PTPRM: variants seen among roughly 807,000 people sequenced by gnomAD.
The protein encoded by PTPRM is receptor-type tyrosine-protein phosphatase mu.
Under a neutral mutation model 186.7 loss-of-function variants are expected in PTPRM, and 47 were observed. The observed-to-expected ratio is 0.25, with a 90% CI of 0.20 to 0.32. The LOEUF (loss-of-function observed/expected upper bound fraction) is 0.32, where lower values mean the gene tolerates loss of function less well. Ranked by LOEUF, PTPRM falls within the 10% of genes least tolerant of loss-of-function variation. The pLI is 1.00. For synonymous variants in PTPRM, 668 were observed against 674.9 expected, an observed-to-expected ratio of 0.99 and a Z score of 0.16; for missense variants, 1,494 against 1,865.0, an observed-to-expected ratio of 0.80 and a Z score of 3.66.
At chr18:8,225,322 T>C (rs960896063) in intron 14 of PTPRM, among the ~76,000 whole-genome samples, 1 of 152,160 alleles carries the variant, frequency 6.6e-6, no homozygotes, top group African/African-American at 2.4e-5. Context: ...TATTTTAGAG[T>C]AATTACTGTT....
intron 14 of PTPRM, among the ~76,000 whole-genome samples, chr18:8,200,321 G>A (rs561494115): frequency 6.6e-6 from 1 of 152,252 alleles, no homozygotes; most frequent in South Asian, 2.1e-4. Flanking sequence ...AGGGAGCTGG[G>A]ATGTGACTCA....
At chr18:7,986,271 G>C (rs942538444) in intron 7 of PTPRM, among the ~76,000 whole-genome samples, 2 of 152,186 alleles carry the variant, frequency 1.3e-5, no homozygotes, top group Non-Finnish European at 2.9e-5. Flanking sequence ...GCCTTTTACA[G>C]GGTTTTGAAA....
intron 1 of PTPRM, among the ~76,000 whole-genome samples, chr18:7,675,465 T>G (rs907274064): frequency 1.3e-5 from 2 of 151,946 alleles, no homozygotes; most frequent in African/African-American, 4.8e-5. Flanking sequence ...GCCCATGTAT[T>G]TAGATGGAAA....
intron 14 of PTPRM, among the ~76,000 whole-genome samples, chr18:8,213,593 TGA>T (rs929613142): frequency 1.3e-5 from 2 of 152,134 alleles, no homozygotes; most frequent in Non-Finnish European, 2.9e-5. Context: ...GTTGGTGGAA[TGA>T]GAGCCAGGAT....
intron 7 of PTPRM, among the ~76,000 whole-genome samples, chr18:8,028,972 C>A (rs11081357): frequency 6.6e-6 from 1 of 152,174 alleles, no homozygotes; most frequent in Non-Finnish European, 1.5e-5. Context: ...CACTGAATCC[C>A]TCAGGAAATG....
intron 9 of PTPRM, 97 bp from the exon 10 acceptor site, chr18:8,085,574 T>C: frequency 9.7e-7 from 1 of 1,029,688 alleles, no homozygotes; most frequent in Non-Finnish European, 1.5e-6. Flanking sequence ...TATCATAAAG[T>C]GTCTGACAGT....
rs552252866 is a variant in PTPRM, at chr18:7,667,223, A to G, written c.73+99332A>G. 9.8e-5 allele frequency among the ~76,000 whole-genome samples: 15 copies of G among 152,346 alleles called. No homozygotes were observed. The South Asian group carries it at 2.9e-3, about 29-fold the overall frequency. On this transcript the variant is annotated intron_variant, in intron 1 of 32. Transcript: ENST00000580170. ...TAGATTACCATTTTATGATGATATCATGTAACAGAATATGAAGCAGCAGGA... is the reference window on the plus strand; with the variant it reads ...TAGATTACCATTTTATGATGATATCGTGTAACAGAATATGAAGCAGCAGGA...
intron 13 of PTPRM, among the ~76,000 whole-genome samples, chr18:8,118,881 G>T (rs1245229046): frequency 1.4e-5 from 2 of 148,056 alleles, no homozygotes; most frequent in African/African-American, 2.5e-5. Flanking sequence ...GCTGTTGTTA[G>T]TGTATTTTAC....
intron 1 of PTPRM, among the ~76,000 whole-genome samples, chr18:7,608,598 A>G (rs1260985868): frequency 6.6e-6 from 1 of 152,008 alleles, no homozygotes; most frequent in Non-Finnish European, 1.5e-5. Flanking sequence ...GTGTGGGGAT[A>G]TCTGTGGAGT....
chr18:7,604,337 C>A (rs1318961930), intron 1 of PTPRM, among the ~76,000 whole-genome samples: 1 of 152,154 alleles, frequency 6.6e-6, no homozygotes, highest in Non-Finnish European at 1.5e-5. Context: ...AGGTTCGTGA[C>A]CAGTTTGGAC....
intron 3 of PTPRM, among the ~76,000 whole-genome samples, chr18:7,901,427 C>T (rs1450006805): frequency 6.6e-6 from 1 of 151,874 alleles, no homozygotes; most frequent in Non-Finnish European, 1.5e-5. Flanking sequence ...AGTGCAGTGG[C>T]ACAATCTTGG....
chr18:8,369,664 A>T (rs2095652386), intron 23 of PTPRM, among the ~76,000 whole-genome samples: 1 of 152,248 alleles, frequency 6.6e-6, no homozygotes, highest in Non-Finnish European at 1.5e-5. Flanking sequence ...GTTAGAAATC[A>T]AATTCAGAAG....
At chr18:8,239,172 A>T (rs1384460326) in intron 14 of PTPRM, among the ~76,000 whole-genome samples, 2 of 110,368 alleles carry the variant, frequency 1.8e-5, no homozygotes, top group Admixed American at 1.3e-4. Flanking sequence ...GAGTCCCCAG[A>T]GTGTGATGTT....
At chr18:8,312,942 G>A (rs73396058) in intron 20 of PTPRM, among the ~76,000 whole-genome samples, 2,846 of 152,262 alleles carry the variant, frequency 0.019, 108 homozygotes, top group African/African-American at 0.065. Context: ...AATTGACACC[G>A]ATTTCCTTCT....
intron 1 of PTPRM, among the ~76,000 whole-genome samples, chr18:7,723,836 C>T (rs79420645): frequency 0.02 from 3,011 of 152,276 alleles, 88 homozygotes; most frequent in East Asian, 0.11. Flanking sequence ...GTTACCTCCT[C>T]GCCTTCCTAT....
chr18:8,230,139 A>T (rs1180972885), intron 14 of PTPRM, among the ~76,000 whole-genome samples: 1 of 152,230 alleles, frequency 6.6e-6, no homozygotes, highest in Non-Finnish European at 1.5e-5. Context: ...GTCATTTGAT[A>T]TAACCCCATG....
chr18:8,117,879 G>T (rs2092015197), intron 13 of PTPRM, among the ~76,000 whole-genome samples: 2 of 152,176 alleles, frequency 1.3e-5, no homozygotes, highest in African/African-American at 4.8e-5. Flanking sequence ...TAAAATCTAT[G>T]AAATTGTATT....
intron 7 of PTPRM, among the ~76,000 whole-genome samples, chr18:8,048,846 T>C (rs186591794): frequency 3.7e-4 from 56 of 152,352 alleles, no homozygotes; most frequent in Non-Finnish European, 6.3e-4. Context: ...GAAATTGTAT[T>C]TGATTCACTT....
chr18:8,373,546 A>G (rs1266854652), intron 24 of PTPRM, among the ~76,000 whole-genome samples: 2 of 152,200 alleles, frequency 1.3e-5, no homozygotes, highest in African/African-American at 4.8e-5. Flanking sequence ...AAAGTTGACA[A>G]TGGTCACTGA....
Sources: gnomAD v4.1 joint callset for allele counts (sites outside exome capture counted in the v4.1 genomes callset) on GRCh38, gnomAD v4.1.1 for gene constraint, MANE v1.5 for transcripts, NCBI Gene and HGNC (gene_info 2026-07-23, HGNC 2026-07-21) for gene names.